Variants in FERMT2 observed in about 807,000 individuals in gnomAD.
The protein encoded by FERMT2 is fermitin family homolog 2.
FERMT2 carries 15 observed loss-of-function variants against 82.7 expected under a neutral mutation model. That is an observed-to-expected ratio of 0.18 (90% confidence interval 0.12 to 0.28). The LOEUF is 0.28. Among genes scored for constraint, FERMT2 ranks in the 10% least tolerant of loss-of-function variants. The pLI, the probability that FERMT2 is intolerant of heterozygous loss-of-function variation, is 1.00. For missense variants in FERMT2, 645 were observed against 809.4 expected (o/e 0.80, Z 2.46); for synonymous variants, 274 against 271.5 (o/e 1.01, Z -0.09).
rs1174555476 is a variant in FERMT2 at position 52,864,824 on chromosome 14, A to C, written c.1303T>G (p.Ser435Ala). The change falls in exon 11 of 15, where the codon TCA (serine) becomes GCA (alanine). Residue 435 changes from serine (S) to alanine (A), a missense_variant. Transcript: ENST00000341590. The stretch of plus-strand genomic sequence containing the variant: ...AGTTTAATGTTAAATTTTTGGCCTG[A>C]AATGTTTACATCTGGGGTAACTTCA... ...GCEVTPDVNI[S>A]GQKFNIKLLI... 9 of 1,611,704 alleles carry C rather than the reference A, an allele frequency of 5.6e-6. No individual in the cohort carries two copies. The South Asian group carries it at 9.9e-5, about 18-fold the overall frequency.
intron 2 of FERMT2, among the ~76,000 whole-genome samples, chr14:52,932,317 T>C (rs1889627798): frequency 6.6e-6 from 1 of 152,200 alleles, no homozygotes; most frequent in South Asian, 2.1e-4. Flanking sequence ...CTCATTTACA[T>C]TTCACAGTAA....
chr14:52,862,711 C>T (rs1885028417), intron 12 of FERMT2: 1 of 152,100 alleles, frequency 6.6e-6, no homozygotes, highest in South Asian at 2.1e-4. Flanking sequence ...TAACCTATAG[C>T]TCTAGTGAGA....
chr14:52,871,688 T>C (rs556199108), intron 10 of FERMT2: 2 of 152,248 alleles, frequency 1.3e-5, no homozygotes, highest in Non-Finnish European at 2.9e-5. Context: ...TAGACCTTAC[T>C]GAAGAAAAGG....
intron 4 of FERMT2, among the ~76,000 whole-genome samples, chr14:52,883,844 C>T (rs564541882): frequency 6.6e-6 from 1 of 152,170 alleles, no homozygotes; most frequent in South Asian, 2.1e-4. Flanking sequence ...GTGGCACCTC[C>T]CCACTCCCAC....
intron 10 of FERMT2, among the ~76,000 whole-genome samples, chr14:52,866,453 C>T (rs1885285255): frequency 6.6e-6 from 1 of 152,186 alleles, no homozygotes; most frequent in Non-Finnish European, 1.5e-5. Context: ...ATTCACTGGA[C>T]ATCAACTCCA....
At position 52,919,500 on chromosome 14, in the gene FERMT2, A is replaced by G. The variant is rs147573259; in HGVS notation, c.158-144T>C. On this transcript the variant is annotated intron_variant, in intron 2 of 14. Coordinates refer to ENST00000341590, the MANE Select transcript of FERMT2 (RefSeq NM_006832.3). ...GTTATGTGACAGGTACAAAAGAAAC[A>G]TTAACAGCTGAGAAAACACGCTCTG... is the stretch of plus-strand genomic sequence containing the variant. 8 of 628,576 alleles carry G rather than the reference A, an allele frequency of 1.3e-5. No individual in the cohort carries two copies. In the East Asian group the frequency reaches 1.6e-4, roughly 13 times the overall value. 38.9% of individuals were successfully genotyped at this position (628,576 alleles called of 1,614,324 possible). A position where few individuals can be genotyped will look rare whatever the true frequency, so the allele number is the denominator to read the frequency against.
chr14:52,885,021 AT>A (rs1352714749), intron 4 of FERMT2, among the ~76,000 whole-genome samples: 1 of 149,734 alleles, frequency 6.7e-6, no homozygotes, highest in Non-Finnish European at 1.5e-5. Flanking sequence ...AAATAAAAAA[AT>A]AAAATTCTGG....
chr14:52,868,241 T>A (rs572060772), intron 10 of FERMT2, among the ~76,000 whole-genome samples: 9 of 150,492 alleles, frequency 6.0e-5, no homozygotes, highest in African/African-American at 2.2e-4. Flanking sequence ...AGATGGGGTC[T>A]GGCTATGTTG....
At chr14:52,942,366 G>A (rs952210812) in intron 2 of FERMT2, among the ~76,000 whole-genome samples, 11 of 149,056 alleles carry the variant, frequency 7.4e-5, no homozygotes, top group Non-Finnish European at 1.3e-4. Flanking sequence ...GCAGTGGCGC[G>A]ATCCCGGCTC....
intron 4 of FERMT2, among the ~76,000 whole-genome samples, chr14:52,888,063 C>A (rs917008861): frequency 6.6e-6 from 1 of 151,932 alleles, no homozygotes; most frequent in Non-Finnish European, 1.5e-5. Context: ...ACATTATATA[C>A]GTTTATTTCT....
chr14:52,879,912 C>A (rs185570879), intron 6 of FERMT2, among the ~76,000 whole-genome samples: 1 of 152,234 alleles, frequency 6.6e-6, no homozygotes. Context: ...TAATACCAAT[C>A]ATAGTAAAGA....
intron 2 of FERMT2, among the ~76,000 whole-genome samples, chr14:52,944,090 G>C (rs762719596): frequency 3.9e-5 from 6 of 152,084 alleles, no homozygotes; most frequent in Non-Finnish European, 5.9e-5. Flanking sequence ...GCTGTCACAG[G>C]ATTACAGTAA....
intron 3 of FERMT2, among the ~76,000 whole-genome samples, chr14:52,905,983 A>G: frequency 6.6e-6 from 1 of 152,352 alleles, no homozygotes; most frequent in African/African-American, 2.4e-5. Flanking sequence ...GTTTTATTTA[A>G]ACAATAAGAA....
chr14:52,870,320 G>A (rs1206298214), intron 10 of FERMT2, among the ~76,000 whole-genome samples: 1 of 150,920 alleles, frequency 6.6e-6, no homozygotes, highest in Non-Finnish European at 1.5e-5. Context: ...CGTGATCTCA[G>A]CTCACCGCAA....
chr14:52,881,040 G>A lies in FERMT2; in HGVS notation c.851C>T (p.Pro284Leu). ...ATCCCTTTAAACCCTCGGTACCTTT[G>A]GATTCAAATCAAAAAAGCTGTAATA... ...FKYYSFFDLN[P>L]KYDAIRINQL... Residue 284 changes from proline to leucine, a missense_variant, in exon 6 of 15, where the codon CCA (proline) becomes CTA (leucine). Coordinates refer to ENST00000341590, the MANE Select transcript of FERMT2 (RefSeq NM_006832.3). 1 of 1,598,828 alleles carries A rather than the reference G, an allele frequency of 6.3e-7. No homozygotes were observed. Among genetic ancestry groups the A allele is most frequent in the Non-Finnish European group, 8.6e-7 (1 of 1,168,902 alleles).
intron 12 of FERMT2, chr14:52,860,863 A>G (rs1387402688): frequency 1.5e-6 from 1 of 669,378 alleles, no homozygotes; most frequent in Non-Finnish European, 2.6e-6. Context: ...TAGCAGGAAT[A>G]TTTGTTAGCA....
intron 10 of FERMT2, 147 bp from the exon 11 acceptor site, chr14:52,865,000 C>T: frequency 1.7e-6 from 1 of 604,740 alleles, no homozygotes; most frequent in East Asian, 2.7e-5. Context: ...AGGTAACATA[C>T]ACATATACTT....
At chr14:52,932,270 G>A (rs1889624260) in intron 2 of FERMT2, among the ~76,000 whole-genome samples, 1 of 152,132 alleles carries the variant, frequency 6.6e-6, no homozygotes, top group Admixed American at 6.5e-5. Context: ...GCAAGTCTGG[G>A]TATGTTGAAT....
chr14:52,861,343 A>G (rs1884925024), intron 12 of FERMT2: 1 of 332,102 alleles, frequency 3.0e-6, no homozygotes, highest in African/African-American at 2.2e-5. Flanking sequence ...AAAAGAGCAA[A>G]TATTTCTTTC....
Sources: allele counts gnomAD v4.1 joint callset (sites outside exome capture counted in the v4.1 genomes callset), GRCh38; gene constraint gnomAD v4.1.1; transcripts MANE v1.5; gene names NCBI Gene and HGNC (gene_info 2026-07-23, HGNC 2026-07-21).